SORCS3: variants seen among roughly 807,000 people sequenced by gnomAD.
The protein encoded by SORCS3 is sortilin related VPS10 domain containing receptor 3, also known as VPS10 domain-containing receptor SorCS3.
In SORCS3, 57 loss-of-function variants were observed where a neutral mutation model predicts 146.3. That is an observed-to-expected ratio of 0.39 (90% CI 0.31 to 0.49). SORCS3 has a LOEUF of 0.49. Ranked by LOEUF, SORCS3 falls within the 20% of genes least tolerant of loss-of-function variation. The pLI is 0.92. For synonymous variants in SORCS3, 653 were observed against 618.5 expected (o/e 1.06, Z -0.83); for missense variants, 1,341 against 1,575.5 (o/e 0.85, Z 2.52).
At chr10:104,682,349 G>T (rs1367491615) in intron 1 of SORCS3, among the ~76,000 whole-genome samples, 1 of 152,204 alleles carries the variant, frequency 6.6e-6, no homozygotes, top group Non-Finnish European at 1.5e-5. Flanking sequence ...ACTCTTGCAC[G>T]TATCACCTTT....
At chr10:104,976,598 A>G (rs1177382368) in intron 3 of SORCS3, among the ~76,000 whole-genome samples, 1 of 152,178 alleles carries the variant, frequency 6.6e-6, no homozygotes, top group Non-Finnish European at 1.5e-5. Context: ...GCTGCTATAA[A>G]GACACATGCA....
chr10:104,949,422 A>G (rs186954130), intron 3 of SORCS3, among the ~76,000 whole-genome samples: 1 of 152,280 alleles, frequency 6.6e-6, no homozygotes, highest in African/African-American at 2.4e-5. Context: ...TTTTCCCAGT[A>G]AGAGAGTGAA....
chr10:104,789,245 G>A (rs1031090996), intron 1 of SORCS3, among the ~76,000 whole-genome samples: 1 of 152,172 alleles, frequency 6.6e-6, no homozygotes, highest in Non-Finnish European at 1.5e-5. Context: ...ATTTCCAAGA[G>A]GTCCTGTCCT....
At chr10:104,755,255 G>A (rs773617489) in intron 1 of SORCS3, among the ~76,000 whole-genome samples, 2 of 152,116 alleles carry the variant, frequency 1.3e-5, no homozygotes, top group Admixed American at 6.5e-5. Flanking sequence ...GTTCTGCAAG[G>A]AGATATTCAT....
chr10:104,810,890 T>C (rs1305334405), intron 1 of SORCS3, among the ~76,000 whole-genome samples: 1 of 152,212 alleles, frequency 6.6e-6, no homozygotes. Flanking sequence ...AGAGCGATAG[T>C]GCCTAGGGAG....
intron 3 of SORCS3, among the ~76,000 whole-genome samples, chr10:104,936,846 T>C (rs1349446469): frequency 4.6e-5 from 7 of 152,316 alleles, no homozygotes; most frequent in Non-Finnish European, 1.5e-5. Context: ...TGAACAGACT[T>C]GGTCTCTGTC....
intron 2 of SORCS3, among the ~76,000 whole-genome samples, chr10:104,870,660 T>G (rs2018510095): frequency 1.3e-5 from 2 of 150,992 alleles, no homozygotes; most frequent in South Asian, 2.1e-4. Context: ...ACCAGGGGAG[T>G]GGAGGGAAGG....
At chr10:104,743,036 A>T (rs974524568) in intron 1 of SORCS3, among the ~76,000 whole-genome samples, 2 of 152,204 alleles carry the variant, frequency 1.3e-5, no homozygotes, top group South Asian at 4.1e-4. Context: ...CTTTTAAAAA[A>T]TTTCATAATA....
intron 5 of SORCS3, among the ~76,000 whole-genome samples, chr10:105,089,375 G>A (rs1023852113): frequency 3.9e-5 from 6 of 152,204 alleles, no homozygotes; most frequent in Non-Finnish European, 8.8e-5. Flanking sequence ...GAGGGCAGAG[G>A]AGGAGGAAGT....
chr10:105,230,696 C>T (rs1192116753), intron 20 of SORCS3, among the ~76,000 whole-genome samples: 1 of 152,156 alleles, frequency 6.6e-6, no homozygotes, highest in Non-Finnish European at 1.5e-5. Context: ...TGGCCTGTGC[C>T]TTAGTCCACA....
intron 1 of SORCS3, among the ~76,000 whole-genome samples, chr10:104,737,577 CT>C (rs1363982159): frequency 2.6e-5 from 4 of 152,136 alleles, no homozygotes; most frequent in Non-Finnish European, 4.4e-5. Context: ...TAAATGTCTT[CT>C]TTTGAGAAGT....
intron 3 of SORCS3, among the ~76,000 whole-genome samples, chr10:104,937,223 C>T (rs1037325777): frequency 7.2e-5 from 11 of 152,214 alleles, no homozygotes; most frequent in Non-Finnish European, 2.9e-5. Flanking sequence ...GGCCTGCCGT[C>T]CACTCACCTC....
At chr10:104,909,983 G>C (rs760744907) in intron 2 of SORCS3, among the ~76,000 whole-genome samples, 8 of 152,068 alleles carry the variant, frequency 5.3e-5, no homozygotes, top group Non-Finnish European at 1.2e-4. Flanking sequence ...GTCAGACTGG[G>C]GGTTCCTCCC....
intron 3 of SORCS3, among the ~76,000 whole-genome samples, chr10:104,960,628 A>T (rs2054788693): frequency 6.6e-6 from 1 of 152,194 alleles, no homozygotes; most frequent in Admixed American, 6.5e-5. Context: ...AGTGGATTTG[A>T]TACATTAGTA....
chr10:104,827,209 A>G (rs11192199), intron 1 of SORCS3, among the ~76,000 whole-genome samples: 19,218 of 152,234 alleles, frequency 0.13, 1,291 homozygotes, highest in South Asian at 0.26. Context: ...CATATGGAAT[A>G]GTGAATCCTT....
At chr10:105,189,933 A>C (rs771797444) in intron 14 of SORCS3, among the ~76,000 whole-genome samples, 8 of 152,248 alleles carry the variant, frequency 5.3e-5, no homozygotes, top group Non-Finnish European at 1.0e-4. Flanking sequence ...TTAGCCTTTG[A>C]GACAAATAGG....
chr10:105,181,396 G>T (rs1394286120), intron 14 of SORCS3, among the ~76,000 whole-genome samples: 5 of 152,112 alleles, frequency 3.3e-5, no homozygotes, highest in Non-Finnish European at 4.4e-5. Context: ...CTATATGGAG[G>T]TTATGATACA....
intron 25 of SORCS3, among the ~76,000 whole-genome samples, chr10:105,257,795 A>T (rs1260712380): frequency 2.0e-5 from 3 of 152,228 alleles, no homozygotes; most frequent in Non-Finnish European, 2.9e-5. Flanking sequence ...TAATCAAAAA[A>T]GCTATGCTAT....
At chr10:104,875,718 A>G (rs1564703605) in intron 2 of SORCS3, among the ~76,000 whole-genome samples, 1 of 152,098 alleles carries the variant, frequency 6.6e-6, no homozygotes, top group Non-Finnish European at 1.5e-5. Flanking sequence ...CCATGTCTAC[A>G]AAAAAATAGA....
Sources: gnomAD v4.1 joint callset for allele counts (sites outside exome capture counted in the v4.1 genomes callset) on GRCh38, gnomAD v4.1.1 for gene constraint, MANE v1.5 for transcripts, NCBI Gene and HGNC (gene_info 2026-07-23, HGNC 2026-07-21) for gene names.